Variants in AOPEP observed in about 807,000 individuals in gnomAD.
AOPEP encodes aminopeptidase O (putative), also known as aminopeptidase O.
Under a neutral mutation model 98.1 loss-of-function variants are expected in AOPEP, and 77 were observed. The ratio of observed to expected loss-of-function variants is 0.78; its 90% CI spans 0.65 to 0.95. The LOEUF (loss-of-function observed/expected upper bound fraction) is 0.95, where lower values mean the gene tolerates loss of function less well. Among genes scored for constraint, AOPEP ranks in the 40% least tolerant of loss-of-function variants. AOPEP has a pLI of 0.00. For synonymous variants in AOPEP, 346 were observed against 365.3 expected, an observed-to-expected ratio of 0.95 and a Z score of 0.60; for missense variants, 1,024 against 1,024.7, an observed-to-expected ratio of 1.00 and a Z score of 0.01.
At chr9:94,806,659 T>C (rs1026868550) in intron 5 of AOPEP, among the ~76,000 whole-genome samples, 9 of 152,242 alleles carry the variant, frequency 5.9e-5, no homozygotes, top group Admixed American at 2.0e-4. Flanking sequence ...TCCTATGTTA[T>C]AGGTAGGGGC....
At chr9:94,770,595 A>G (rs1840646941) in intron 2 of AOPEP, among the ~76,000 whole-genome samples, 1 of 152,156 alleles carries the variant, frequency 6.6e-6, no homozygotes, top group African/African-American at 2.4e-5. Context: ...GTGCCTCCCT[A>G]GGCTGCCTGA....
intron 13 of AOPEP, among the ~76,000 whole-genome samples, chr9:95,032,142 C>A (rs1018739141): frequency 3.1e-4 from 47 of 152,232 alleles, no homozygotes; most frequent in Non-Finnish European, 5.6e-4. Context: ...AGTGAGCCTG[C>A]AAACACACTT....
chr9:94,866,920 C>G (rs2045768683), intron 5 of AOPEP, among the ~76,000 whole-genome samples: 1 of 152,064 alleles, frequency 6.6e-6, no homozygotes, highest in Non-Finnish European at 1.5e-5. Context: ...TAAAATAAGT[C>G]AAAATGTTGG....
At chr9:95,091,789 C>T (rs886068998), downstream of AOPEP, among the ~76,000 whole-genome samples, 5 of 152,132 alleles carry the variant, frequency 3.3e-5, no homozygotes, top group Admixed American at 3.3e-4. Context: ...TGAGAAAGGC[C>T]GGCAGCCGAG....
At chr9:94,758,021 G>A (rs1369277234) in intron 1 of AOPEP, among the ~76,000 whole-genome samples, 1 of 152,214 alleles carries the variant, frequency 6.6e-6, no homozygotes. Flanking sequence ...AATTCAAACT[G>A]TTCTTTGCAA....
At chr9:95,071,713 G>A (rs1348510634) in intron 14 of AOPEP, among the ~76,000 whole-genome samples, 1 of 152,086 alleles carries the variant, frequency 6.6e-6, no homozygotes, top group Non-Finnish European at 1.5e-5. Context: ...GCTCTGTCTC[G>A]TGCCTGTAGC....
intron 11 of AOPEP, among the ~76,000 whole-genome samples, chr9:95,003,433 G>A (rs1432624159): frequency 6.6e-6 from 1 of 152,216 alleles, no homozygotes; most frequent in Non-Finnish European, 1.5e-5. Flanking sequence ...AGTTTCTGGG[G>A]ATCGTGAACT....
chr9:94,737,734 T>TAAG (rs1251021288), intron 1 of AOPEP, among the ~76,000 whole-genome samples: 2 of 152,214 alleles, frequency 1.3e-5, no homozygotes. Context: ...GCCATGCCAA[T>TAAG]AAGCAACAAG....
chr9:95,060,095 C>T (rs1428114500), intron 13 of AOPEP, among the ~76,000 whole-genome samples: 1 of 152,208 alleles, frequency 6.6e-6, no homozygotes, highest in Non-Finnish European at 1.5e-5. Flanking sequence ...ATATGGGTAA[C>T]TTTGTGTGTC....
intron 5 of AOPEP, among the ~76,000 whole-genome samples, chr9:94,914,998 G>A (rs552070993): frequency 5.9e-5 from 9 of 152,096 alleles, no homozygotes; most frequent in South Asian, 2.1e-4. Context: ...CTTATCTAGC[G>A]GACCTACCTC....
intron 5 of AOPEP, among the ~76,000 whole-genome samples, chr9:94,806,958 G>T (rs532052875): frequency 6.6e-6 from 1 of 152,354 alleles, no homozygotes; most frequent in South Asian, 2.1e-4. Flanking sequence ...GCTGTCAAGA[G>T]TCTGGTGGTC....
intron 6 of AOPEP, among the ~76,000 whole-genome samples, chr9:94,926,527 A>G (rs1443614545): frequency 6.6e-6 from 1 of 152,176 alleles, no homozygotes; most frequent in Non-Finnish European, 1.5e-5. Flanking sequence ...AGTTTGAAAC[A>G]TTTCCAGAGC....
chr9:94,929,146 A>G (rs1047003161), intron 7 of AOPEP, among the ~76,000 whole-genome samples: 1 of 152,030 alleles, frequency 6.6e-6, no homozygotes, highest in Non-Finnish European at 1.5e-5. Flanking sequence ...CCTGGTACCT[A>G]GGCTCCGGGA....
chr9:94,974,269 C>T (rs1267561077), intron 10 of AOPEP, among the ~76,000 whole-genome samples: 1 of 152,196 alleles, frequency 6.6e-6, no homozygotes, highest in African/African-American at 2.4e-5. Context: ...TCTTATTCCA[C>T]ATTAACAATC....
rs2060134792 is a variant in AOPEP, at chr9:94,980,784, T to G, written c.1977+1357T>G. Among the ~76,000 whole-genome samples, 1 of 152,194 alleles carries G rather than the reference T, an allele frequency of 6.6e-6. No individual in the cohort carries two copies. The highest frequency in any genetic ancestry group is 1.5e-5 in the Non-Finnish European group (1 of 68,018). ...TCACGTGTGTGACAATGAGGGCCCG[T>G]GAGCTCTGAGACGGTGACTTCCAAA... On this transcript the variant is annotated intron_variant, in intron 11 of 16. Coordinates refer to ENST00000375315, the MANE Select transcript of AOPEP (RefSeq NM_001193329.3). The surrounding 1 kb of genome is among the most constrained non-coding windows in gnomAD (Gnocchi z 4.3).
intron 10 of AOPEP, among the ~76,000 whole-genome samples, chr9:94,974,008 A>G (rs1278051136): frequency 1.3e-5 from 2 of 152,206 alleles, no homozygotes; most frequent in African/African-American, 4.8e-5. Context: ...TGTCATTTCA[A>G]TAATTATGCT....
At chr9:94,835,411 A>G (rs1008027365) in intron 5 of AOPEP, among the ~76,000 whole-genome samples, 2 of 152,222 alleles carry the variant, frequency 1.3e-5, no homozygotes, top group South Asian at 2.1e-4. Context: ...TTTATTCTGC[A>G]TATCACTAGA....
At chr9:94,750,829 G>A (rs1241435815) in intron 1 of AOPEP, among the ~76,000 whole-genome samples, 3 of 144,896 alleles carry the variant, frequency 2.1e-5, no homozygotes, top group African/African-American at 7.6e-5. Context: ...CTCACTGCAA[G>A]CTCTGCCTCC....
chr9:94,929,835 G>T (rs747270472), intron 7 of AOPEP, among the ~76,000 whole-genome samples: 2 of 152,228 alleles, frequency 1.3e-5, no homozygotes, highest in African/African-American at 4.8e-5. Context: ...GGAGGGCGGC[G>T]CATAAGGAGG....
Sources: allele counts gnomAD v4.1 joint callset (sites outside exome capture counted in the v4.1 genomes callset), GRCh38; gene constraint gnomAD v4.1.1; non-coding constraint Gnocchi (gnomAD v3.1); transcripts MANE v1.5; gene names NCBI Gene and HGNC (gene_info 2026-07-23, HGNC 2026-07-21).